The following EML4 variants were observed in gnomAD, a reference collection of about 807,000 sequenced individuals.
EML4 encodes the protein echinoderm microtubule-associated protein-like 4.
In EML4, 72 loss-of-function variants were observed where a neutral mutation model predicts 129.0. The observed-to-expected ratio is 0.56, with a 90% confidence interval of 0.46 to 0.68. The LOEUF is 0.68. EML4 is among the 30% of genes least tolerant of loss of function. The pLI, the probability that EML4 is intolerant of heterozygous loss-of-function variation, is 0.00. For missense variants in EML4, 1,363 were observed against 1,190.6 expected, an observed-to-expected ratio of 1.14 and a Z score of -2.13; for synonymous variants, 532 against 405.0, an observed-to-expected ratio of 1.31 and a Z score of -3.77.
intron 1 of EML4, among the ~76,000 whole-genome samples, chr2:42,206,544 C>G (rs1672553525): frequency 6.6e-6 from 1 of 152,156 alleles, no homozygotes; most frequent in African/African-American, 2.4e-5. Flanking sequence ...AGTTTTATGT[C>G]TAGTCGTCTT....
chr2:42,238,386 G>A (rs924660491), intron 1 of EML4, among the ~76,000 whole-genome samples: 1 of 152,080 alleles, frequency 6.6e-6, no homozygotes, highest in Non-Finnish European at 1.5e-5. Flanking sequence ...GCATTGCTAT[G>A]GATAGGCATA....
At chr2:42,285,330 A>G (rs1667231478) in intron 9 of EML4, among the ~76,000 whole-genome samples, 1 of 152,212 alleles carries the variant, frequency 6.6e-6, no homozygotes, top group Non-Finnish European at 1.5e-5. Context: ...AACAGTGACT[A>G]TTAATGGTGA....
chr2:42,210,733 A>G (rs1483669907), intron 1 of EML4, among the ~76,000 whole-genome samples: 1 of 152,084 alleles, frequency 6.6e-6, no homozygotes, highest in Non-Finnish European at 1.5e-5. Context: ...TGTTATTCAG[A>G]TTGTTCCAGC....
At chr2:42,282,096 C>G (rs535715039) in intron 7 of EML4, among the ~76,000 whole-genome samples, 16 of 152,190 alleles carry the variant, frequency 1.1e-4, no homozygotes, top group Non-Finnish European at 2.2e-4. Context: ...CTTTTTCTCT[C>G]CATCTAAATT....
At chr2:42,233,534 C>T (rs189658783) in intron 1 of EML4, among the ~76,000 whole-genome samples, 20 of 151,788 alleles carry the variant, frequency 1.3e-4, no homozygotes, top group Admixed American at 3.9e-4. Context: ...GTCTCAATCT[C>T]CTGACCTCAT....
At chr2:42,259,875 G>A (rs949206062) in intron 3 of EML4, among the ~76,000 whole-genome samples, 39 of 150,354 alleles carry the variant, frequency 2.6e-4, no homozygotes, top group Admixed American at 1.1e-3. Context: ...GGCTACAGGC[G>A]CCCACCACCA....
At chr2:42,278,571 C>A (rs1269962256) in intron 6 of EML4, among the ~76,000 whole-genome samples, 3 of 58,572 alleles carry the variant, frequency 5.1e-5, no homozygotes, top group African/African-American at 1.7e-4. Flanking sequence ...GGGACTCCAT[C>A]TCAAAAAAAA....
intron 19 of EML4, among the ~76,000 whole-genome samples, chr2:42,318,309 T>C (rs1669346857): frequency 6.6e-6 from 1 of 152,256 alleles, no homozygotes. Flanking sequence ...AATTAGTTTT[T>C]AGAAGCATAT....
rs552411902 is a variant in EML4 at position 42,269,113 on chromosome 2, T to C, written c.667+4382T>C. On this transcript the variant is annotated intron_variant, in intron 6 of 22. Transcript: ENST00000318522. The stretch of plus-strand genomic sequence containing the variant: ...TCAAAATGGAAGGACAGTTATAATA[T>C]CTTAGAAAATTGAGAAGTAATTGAC... Among the ~76,000 whole-genome samples, 9 of 152,334 alleles carry C rather than the reference T, an allele frequency of 5.9e-5. No homozygotes were observed. In the East Asian group the frequency reaches 1.7e-3, roughly 29 times the overall value.
At chr2:42,306,098 G>T (rs1668578938) in intron 17 of EML4, among the ~76,000 whole-genome samples, 1 of 152,180 alleles carries the variant, frequency 6.6e-6, no homozygotes, top group African/African-American at 2.4e-5. Context: ...GCTTGAGAGA[G>T]CATTTGGTGA....
intron 3 of EML4, among the ~76,000 whole-genome samples, chr2:42,258,411 AT>A (rs1358091005): frequency 8.0e-6 from 1 of 124,998 alleles, no homozygotes; most frequent in Non-Finnish European, 1.7e-5. Context: ...ATATATATAT[AT>A]TTTTTGAGAT....
At chr2:42,181,789 T>A (rs1428589681) in intron 1 of EML4, among the ~76,000 whole-genome samples, 5 of 152,110 alleles carry the variant, frequency 3.3e-5, no homozygotes, top group Non-Finnish European at 7.4e-5. Flanking sequence ...CCCTTTTTGC[T>A]CCAGCCCTAG....
intron 1 of EML4, among the ~76,000 whole-genome samples, chr2:42,184,495 C>T (rs1042210540): frequency 5.3e-5 from 8 of 151,298 alleles, no homozygotes; most frequent in Non-Finnish European, 1.2e-4. Flanking sequence ...GTATGGTGTC[C>T]AAGTTGTCCT....
chr2:42,277,571 T>C (rs1382995583), intron 6 of EML4, among the ~76,000 whole-genome samples: 1 of 71,352 alleles, frequency 1.4e-5, no homozygotes. Context: ...AAGCACAACC[T>C]TTTTTTTTTT....
chr2:42,247,158 A>G (rs183423144), intron 2 of EML4, among the ~76,000 whole-genome samples: 5 of 152,318 alleles, frequency 3.3e-5, no homozygotes, highest in South Asian at 2.1e-4. Context: ...AGGAAGACCA[A>G]TACGGGGAAA....
chr2:42,293,555 T>A (rs1667774357), intron 11 of EML4, among the ~76,000 whole-genome samples: 1 of 152,244 alleles, frequency 6.6e-6, no homozygotes, highest in Non-Finnish European at 1.5e-5. Context: ...GTCATTTAAT[T>A]AGTATAACAT....
In EML4 at chr2:42,241,704, T is replaced by C. The variant is rs113364973; in HGVS notation, c.26-3801T>C. 3.2e-3 allele frequency among the ~76,000 whole-genome samples: 481 copies of C among 152,310 alleles called. 1 individual carries two copies. Among genetic ancestry groups the C allele is most frequent in the Non-Finnish European group, 4.7e-3 (321 of 68,034 alleles). On this transcript the variant is annotated intron_variant, in intron 1 of 22. Coordinates refer to ENST00000318522, the MANE Select transcript of EML4 (RefSeq NM_019063.5). ...TGTATTTGTTTGGTCCTCATGTGAT[T>C]ATTGTTAGAATGCAGCATAGAATAA...
chr2:42,215,203 A>G (rs1034870613), intron 1 of EML4, among the ~76,000 whole-genome samples: 1 of 152,054 alleles, frequency 6.6e-6, no homozygotes. Flanking sequence ...GGGACTACCG[A>G]TGCACACCAC....
chr2:42,221,801 G>A (rs980003745), intron 1 of EML4, among the ~76,000 whole-genome samples: 3 of 151,806 alleles, frequency 2.0e-5, no homozygotes, highest in South Asian at 2.1e-4. Context: ...ACAAGGTTTC[G>A]TCGTGTTGGC....
Sources: allele counts gnomAD v4.1 joint callset (sites outside exome capture counted in the v4.1 genomes callset), GRCh38; gene constraint gnomAD v4.1.1; transcripts MANE v1.5; gene names NCBI Gene and HGNC (gene_info 2026-07-23, HGNC 2026-07-21).